COPS8: variants seen among roughly 807,000 people sequenced by gnomAD.
COPS8 encodes the protein COP9 signalosome complex subunit 8.
In COPS8, 11 loss-of-function variants were observed where a neutral mutation model predicts 31.5. The ratio of observed to expected loss-of-function variants is 0.35; its 90% confidence interval spans 0.22 to 0.58. COPS8 has a LOEUF of 0.58. COPS8 is among the 20% of genes least tolerant of loss of function. COPS8 has a pLI of 0.83. For missense variants in COPS8, 215 were observed against 255.1 expected, an observed-to-expected ratio of 0.84 and a Z score of 1.07; for synonymous variants, 81 against 89.3, an observed-to-expected ratio of 0.91 and a Z score of 0.52.
chr2:237,099,224 TA>T lies in COPS8; in HGVS notation c.*1483del, dbSNP rs998667617. On this transcript the variant is annotated 3_prime_UTR_variant, in exon 8 of 8. Transcript: ENST00000354371. ...GAGAACATAGAAAGCACATGTAGTT[TA>T]TATGGTTATTTTGAGGGTAACAAAA... 4 of 152,230 alleles carry T rather than the reference TA, an allele frequency of 2.6e-5. No homozygotes were observed. The highest frequency in any genetic ancestry group is 9.6e-5 in the African/African-American group (4 of 41,466). The allele number at this position is 152,230 out of a possible 1,614,324, so 9.4% of individuals were successfully genotyped here.
rs962235704 is a variant in COPS8 at position 237,088,770 on chromosome 2, A to G, written c.198+117A>G. 29 of 591,684 alleles carry G rather than the reference A, an allele frequency of 4.9e-5. No individual in the cohort carries two copies. The African/African-American group carries it at 4.9e-4, about 10-fold the overall frequency. The allele number at this position is 591,684 out of a possible 1,614,324, so 36.7% of individuals were successfully genotyped here. ...TCCTAGTAATAGTCATCAGATTGGT[A>G]TTAAGGATTCGAAATAAATCTTCAG... On this transcript the variant is annotated intron_variant, in intron 3 of 7. Transcript: ENST00000354371.
rs372813434 is a variant in COPS8, at chr2:237,096,803, A to AT, written c.503-9dup. 1.5e-3 allele frequency: 2,194 copies of AT among 1,424,612 alleles called. No homozygotes were observed. The highest frequency in any genetic ancestry group is 1.8e-3 in the Non-Finnish European group (1,861 of 1,034,478). 88.2% of individuals were successfully genotyped at this position (1,424,612 alleles called of 1,614,324 possible). On this transcript the variant is annotated intron_variant, in intron 6 of 7. Transcript: ENST00000354371. ...ATGACTTCTGTAAATTGAGCTGTAC[A>AT]TTTTTTTTTTGAATTTAGTTGCAGG...
intron 2 of COPS8, chr2:237,087,655 C>A: frequency 4.9e-6 from 1 of 204,992 alleles, no homozygotes. Flanking sequence ...CTAGGCCGGG[C>A]GCCGTGGCAC....
chr2:237,096,931 ATATATG>A lies in COPS8; in HGVS notation c.550+70_550+75del, dbSNP rs1371870869. 26 of 1,116,446 alleles carry A rather than the reference ATATATG, an allele frequency of 2.3e-5. No individual in the cohort carries two copies. The African/African-American group carries it at 3.8e-4, about 16-fold the overall frequency. The allele number at this position is 1,116,446 out of a possible 1,614,324, so 69.2% of individuals were successfully genotyped here. A position where few individuals can be genotyped will look rare whatever the true frequency, so the allele number is the denominator to read the frequency against. ...TTGTTCCTAATTTCTTTTTTGTAGT[ATATATG>A]TATATGTGTGTGTGAGTGTGTGTAT... On this transcript the variant is annotated intron_variant, in intron 7 of 7. Coordinates refer to ENST00000354371, the MANE Select transcript of COPS8 (RefSeq NM_006710.5).
chr2:237,087,348 AG>A, intron 2 of COPS8, 151 bp downstream of exon 2: 1 of 567,914 alleles, frequency 1.8e-6, no homozygotes, highest in Non-Finnish European at 3.2e-6. Context: ...ATTGAATCAT[AG>A]GTTAATGAAT....
rs56716299 is a variant in COPS8, at chr2:237,099,335, A to G, written c.*1593A>G. 1.3e-4 allele frequency: 20 copies of G among 150,296 alleles called. No homozygotes were observed. The highest frequency in any genetic ancestry group is 2.1e-4 in the South Asian group (1 of 4,828). 9.3% of individuals were successfully genotyped at this position (150,296 alleles called of 1,614,324 possible). A position where few individuals can be genotyped will look rare whatever the true frequency, so the allele number is the denominator to read the frequency against. The stretch of plus-strand genomic sequence containing the variant: ...TGGGGGATATATACAAAATGAATAT[A>G]ATAGTTCCCTAAAGAGGAAGGAGAG... On this transcript the variant is annotated 3_prime_UTR_variant, in exon 8 of 8. Transcript: ENST00000354371.
In COPS8 at chr2:237,097,653, T is replaced by C; in HGVS notation, c.551-10T>C. 1.2e-6 allele frequency: 2 copies of C among 1,607,606 alleles called. No homozygotes were observed. The highest frequency in any genetic ancestry group is 1.7e-6 in the Non-Finnish European group (2 of 1,174,468). On this transcript the variant is annotated splice_polypyrimidine_tract_variant and intron_variant, in intron 7 of 7. Coordinates refer to ENST00000354371, the MANE Select transcript of COPS8 (RefSeq NM_006710.5). ...GTAACATGAAGTGTGTTTGTTTCTT[T>C]AACATACAGAGCCTGCTCCAGTTCC...
At chr2:237,097,640 G>T in intron 7 of COPS8, 23 bp from the exon 8 acceptor site, 1 of 1,575,696 alleles carries the variant, frequency 6.3e-7, no homozygotes, top group Non-Finnish European at 8.7e-7. Context: ...AACATGAAGT[G>T]TGTTTGTTTC....
At chr2:237,097,224 CTTTTTT>C (rs996251270) in intron 7 of COPS8, among the ~76,000 whole-genome samples, 7 of 95,984 alleles carry the variant, frequency 7.3e-5, no homozygotes, top group South Asian at 3.6e-4. Flanking sequence ...TGTGGGTTTT[CTTTTTT>C]TTTTTTTTTT....
At chr2:237,089,414 C>T (rs1213438580) in intron 3 of COPS8, among the ~76,000 whole-genome samples, 4 of 152,104 alleles carry the variant, frequency 2.6e-5, no homozygotes, top group Non-Finnish European at 5.9e-5. Context: ...AGTGGAAACT[C>T]AATCCTTAGA....
intron 2 of COPS8, 129 bp downstream of exon 2, chr2:237,087,326 C>T: frequency 1.7e-6 from 1 of 596,268 alleles, no homozygotes; most frequent in Non-Finnish European, 3.0e-6. Flanking sequence ...TAATTGTTAA[C>T]GTCTATTTCC....
chr2:237,087,061 TA>T, intron 1 of COPS8, 65 bp from the exon 2 acceptor site: 2 of 1,014,848 alleles, frequency 2.0e-6, no homozygotes, highest in Middle Eastern at 2.7e-4. Flanking sequence ...AAATGAAAGT[TA>T]AAGGGTAAAT....
intron 2 of COPS8, chr2:237,087,459 T>C: frequency 2.1e-6 from 1 of 478,160 alleles, no homozygotes; most frequent in South Asian, 2.3e-5. Flanking sequence ...TTTTGTCTTT[T>C]TAAGAAACTT....
rs201615003 is a variant in COPS8, at chr2:237,095,912, A to G, written c.502+28A>G. The G allele has an allele frequency of 6.6e-6, 10 of 1,511,308 alleles. No individual in the cohort carries two copies. The African/African-American group carries it at 1.1e-4, about 17-fold the overall frequency. 93.6% of individuals were successfully genotyped at this position (1,511,308 alleles called of 1,614,324 possible). On this transcript the variant is annotated intron_variant, in intron 6 of 7. Transcript: ENST00000354371. ...AGGTGGAGCTTTCACCCATTTACGC[A>G]GCACTGGACTCTTCTAAGACTGCTT...
At position 237,085,981 on chromosome 2, in the gene COPS8, T is replaced by C. The variant is rs1490286521; in HGVS notation, c.17T>C (p.Met6Thr). 6.2e-7 allele frequency: 1 copy of C among 1,612,004 alleles called. No homozygotes were observed. Among genetic ancestry groups the C allele is most frequent in the Non-Finnish European group, 8.5e-7 (1 of 1,178,770 alleles). MPVAV[M>T]AESAFSFKKL... The stretch of plus-strand genomic sequence containing the variant: ...GCCGCGAAGATGCCAGTGGCGGTGA[T>C]GGCGGAAAGCGCCTTTAGTTTCAAA... Residue 6 changes from methionine to threonine, a missense_variant, in exon 1 of 8, where the codon ATG (methionine) becomes ACG (threonine). Coordinates refer to ENST00000354371, the MANE Select transcript of COPS8 (RefSeq NM_006710.5).
chr2:237,092,035 C>T (rs1696713760), intron 4 of COPS8, among the ~76,000 whole-genome samples: 1 of 152,222 alleles, frequency 6.6e-6, no homozygotes, highest in African/African-American at 2.4e-5. Context: ...GTTCATCTTC[C>T]CTTCTGTCTC....
chr2:237,095,603 G>A (rs1696785724), intron 5 of COPS8, among the ~76,000 whole-genome samples: 1 of 152,038 alleles, frequency 6.6e-6, no homozygotes. Context: ...AATGATTATA[G>A]CAACCTAATA....
chr2:237,093,881 G>C, intron 4 of COPS8: 1 of 1,193,714 alleles, frequency 8.4e-7, no homozygotes, highest in Non-Finnish European at 1.0e-6. Flanking sequence ...CATCCAAGAG[G>C]AAGTGTAAGA....
At chr2:237,086,086 A>G (rs1423803719) in intron 1 of COPS8, 44 bp downstream of exon 1, 89 of 1,554,988 alleles carry the variant, frequency 5.7e-5, no homozygotes, top group Non-Finnish European at 7.7e-5. Context: ...GAGTAGTCTT[A>G]GGCCCTGGGG....
Sources: gnomAD v4.1 joint callset for allele counts (sites outside exome capture counted in the v4.1 genomes callset) on GRCh38, gnomAD v4.1.1 for gene constraint, MANE v1.5 for transcripts, NCBI Gene and HGNC (gene_info 2026-07-23, HGNC 2026-07-21) for gene names.